The following YIPF2 variants were observed in gnomAD, a reference collection of about 807,000 sequenced individuals.
YIPF2 encodes the protein Yip1 domain family member 2, also known as protein YIPF2.
YIPF2 carries 30 observed loss-of-function variants against 38.8 expected under a neutral mutation model. That is an observed-to-expected ratio of 0.77 (90% CI 0.58 to 1.05). The LOEUF (loss-of-function observed/expected upper bound fraction) is 1.05. Ranked by LOEUF, YIPF2 falls within the 50% of genes least tolerant of loss-of-function variation. The pLI is 0.00. For synonymous variants in YIPF2, 194 were observed against 183.8 expected, an observed-to-expected ratio of 1.06 and a Z score of -0.45; for missense variants, 401 against 409.7, an observed-to-expected ratio of 0.98 and a Z score of 0.18.
chr19:10,923,015 T>G lies in YIPF2; in HGVS notation c.*179A>C. The G allele has an allele frequency of 9.5e-6, 3 of 316,106 alleles. No homozygotes were observed. Among genetic ancestry groups the G allele is most frequent in the East Asian group, 7.8e-5 (1 of 12,790 alleles). 19.6% of individuals were successfully genotyped at this position (316,106 alleles called of 1,614,324 possible). A position where few individuals can be genotyped will look rare whatever the true frequency, so the allele number is the denominator to read the frequency against. ...CTGCTCGGCTGCCCCTCGCCCGCCT[T>G]TATATAAATTCTCTGAATCACCTTT... On this transcript the variant is annotated 3_prime_UTR_variant, in exon 10 of 10. Coordinates refer to ENST00000586748, the MANE Select transcript of YIPF2 (RefSeq NM_001321439.2).
intron 7 of YIPF2, 32 bp from the exon 8 acceptor site, chr19:10,923,709 C>T (rs2074309923): frequency 6.3e-7 from 1 of 1,585,096 alleles, no homozygotes. Context: ...GTGACCATGC[C>T]AGTCCCCCCA....
rs755962908 is a variant in YIPF2, at chr19:10,923,662, G to A, written c.667C>T (p.Pro223Ser). The change falls in exon 8 of 10, where the codon CCT becomes TCT. Residue 223 changes from proline (P) to serine (S), a missense_variant. By Grantham distance (74) the Pro-to-Ser change is moderately conservative (BLOSUM62 -1). Transcript: ENST00000586748. ...AAGAGCCACTGCAGCCAAGGCACAG[G>A]GATGAGCCACAGGACCTGGGAGCAA... ...FIPMVVLWLI[P>S]VPWLQWLFGA... The A allele has an allele frequency of 3.7e-6, 6 of 1,609,806 alleles. No homozygotes were observed. Among genetic ancestry groups the A allele is most frequent in the Non-Finnish European group, 5.1e-6 (6 of 1,177,220 alleles).
chr19:10,926,554 G>C (rs1387372768), intron 4 of YIPF2, among the ~76,000 whole-genome samples: 1 of 151,588 alleles, frequency 6.6e-6, no homozygotes, highest in African/African-American at 2.4e-5. Context: ...TTTTGAGACA[G>C]AGTCTCACTC....
chr19:10,928,530 A>G lies in YIPF2; in HGVS notation c.-50T>C, dbSNP rs2083462610. 8.0e-7 allele frequency: 1 copy of G among 1,257,402 alleles called. No individual in the cohort carries two copies. The highest frequency in any genetic ancestry group is 1.0e-6 in the Non-Finnish European group (1 of 971,922). The allele number at this position is 1,257,402 out of a possible 1,614,324, so 77.9% of individuals were successfully genotyped here. On this transcript the variant is annotated 5_prime_UTR_variant, in exon 1 of 10. Transcript: ENST00000586748. ...CCCTACCTGGCGACCAACTGCACCC[A>G]CGGAGGCTTGAACTCGTCGTCCCGT...
chr19:10,926,228 C>G (rs1334574175), intron 4 of YIPF2, among the ~76,000 whole-genome samples: 1 of 135,512 alleles, frequency 7.4e-6, no homozygotes. Context: ...TTTTTTCCCT[C>G]TTTTTTTTTT....
At chr19:10,925,563 G>C (rs1475683200) in intron 5 of YIPF2, 123 bp downstream of exon 5, 3 of 1,169,114 alleles carry the variant, frequency 2.6e-6, no homozygotes, top group East Asian at 5.2e-5. Flanking sequence ...CTGTCTCCCT[G>C]AACAGCAGGT....
intron 5 of YIPF2, 81 bp downstream of exon 5, chr19:10,925,605 G>T (rs1450441674): frequency 1.3e-6 from 2 of 1,517,608 alleles, no homozygotes; most frequent in African/African-American, 1.4e-5. Context: ...TGATTTGTCC[G>T]CAGCTATACA....
In YIPF2 at chr19:10,924,116, C is replaced by T. The variant is rs750758306; in HGVS notation, c.444G>A (p.Arg148=). ...TGNLTLVLAQ[R]RDPSIHYSPQ... is the part of the protein sequence containing the mutation. The stretch of plus-strand genomic sequence containing the variant: ...GGCTGTAGTGGATGGAGGGGTCCCT[C>T]CTCTGGGCCAGCACCAGCGTCAGGT... Residue 148 remains arginine (R), a synonymous_variant, in exon 6 of 10, where the codon AGG becomes AGA. Transcript: ENST00000586748. The T allele has an allele frequency of 6.2e-7, 1 of 1,613,656 alleles. No individual in the cohort carries two copies.
At chr19:10,927,233 T>A (rs757369009) in intron 4 of YIPF2, among the ~76,000 whole-genome samples, 9 of 152,130 alleles carry the variant, frequency 5.9e-5, no homozygotes, top group Non-Finnish European at 1.2e-4. Context: ...GGTCTTGAAC[T>A]CCTCAGGTTA....
rs779606360 is a variant in YIPF2, at chr19:10,923,932, C to A, written c.552G>T (p.Leu184=). The A allele has an allele frequency of 1.2e-6, 2 of 1,613,356 alleles. No individual in the cohort carries two copies. The highest frequency in any genetic ancestry group is 1.7e-6 in the Non-Finnish European group (2 of 1,179,754). Residue 184 remains leucine (L), a synonymous_variant, in exon 7 of 10, where the codon CTG becomes CTT. Coordinates refer to ENST00000586748, the MANE Select transcript of YIPF2 (RefSeq NM_001321439.2). The part of the protein sequence containing the change: ...WLVPLALWGF[L]RWRKGVQERM... ...GCTCCTGGACACCCTTGCGCCACCG[C>A]AGGAAGCCCCACAGGGCCAGGGGCA...
rs946739865 is a variant in YIPF2 at position 10,926,841 on chromosome 19, T to C, written c.279+789A>G. Reference sequence around the variant, plus strand: ...GCACTTGGCTAATTTTTCTATTTTATTTTATTTTTTATTTAATTTTATTTT... The same window carrying C: ...GCACTTGGCTAATTTTTCTATTTTACTTTATTTTTTATTTAATTTTATTTT... On this transcript the variant is annotated intron_variant, in intron 4 of 9. Transcript: ENST00000586748. Among the ~76,000 whole-genome samples, 9 of 151,642 alleles carry C rather than the reference T, an allele frequency of 5.9e-5. 1 individual carries two copies. The highest frequency in any genetic ancestry group is 5.3e-4 in the Admixed American group (8 of 15,192).
intron 5 of YIPF2, 59 bp from the exon 6 acceptor site, chr19:10,924,251 T>A (rs1173262106): frequency 1.3e-6 from 2 of 1,494,782 alleles, no homozygotes; most frequent in Non-Finnish European, 1.8e-6. Flanking sequence ...CAAGCAGACA[T>A]GTATCCTGAC....
At chr19:10,923,802 C>T (rs749219890) in intron 7 of YIPF2, 31 bp downstream of exon 7, 72 of 1,604,074 alleles carry the variant, frequency 4.5e-5, no homozygotes, top group Non-Finnish European at 6.0e-5. Context: ...CCCACACAGC[C>T]ACCACCCACT....
chr19:10,924,580 G>A (rs140126930), intron 5 of YIPF2, among the ~76,000 whole-genome samples: 64 of 152,188 alleles, frequency 4.2e-4, no homozygotes, highest in African/African-American at 1.4e-3. Flanking sequence ...AGAGCCCAGG[G>A]CTCTGCCCTG....
rs1334805075 is a variant in YIPF2 at position 10,923,959 on chromosome 19, CA to C, written c.524del (p.Leu175ArgfsTer176). 2 of 1,613,478 alleles carry C rather than the reference CA, an allele frequency of 1.2e-6. No homozygotes were observed. Among genetic ancestry groups the C allele is most frequent in the Non-Finnish European group, 1.7e-6 (2 of 1,179,814 alleles). ...GGAAGCCCCACAGGGCCAGGGGCAC[CA>C]GCCACGCATAGCAGTAGATGCTGAT... ...AGISIYCYAW[L>X]VPLALWGFLR... On this transcript the variant is annotated frameshift_variant, in exon 7 of 10. Coordinates refer to ENST00000586748, the MANE Select transcript of YIPF2 (RefSeq NM_001321439.2). LOFTEE classifies it high-confidence loss of function.
rs895756352 is a variant in YIPF2 at position 10,923,132 on chromosome 19, G to C, written c.*62C>G. Reference sequence around the variant, plus strand: ...TCAAAGGAGCCTTCAGTCATCGTCTGGGGGGCAGGACAGGCAGAGGGGTTG... The same window carrying C: ...TCAAAGGAGCCTTCAGTCATCGTCTCGGGGGCAGGACAGGCAGAGGGGTTG... On this transcript the variant is annotated 3_prime_UTR_variant, in exon 10 of 10. Transcript: ENST00000586748. 3 of 634,854 alleles carry C rather than the reference G, an allele frequency of 4.7e-6. No individual in the cohort carries two copies. Among genetic ancestry groups the C allele is most frequent in the East Asian group, 3.0e-5 (1 of 32,804 alleles). The allele number at this position is 634,854 out of a possible 1,614,324, so 39.3% of individuals were successfully genotyped here.
In YIPF2 at chr19:10,924,207, C is replaced by T. The variant is rs2145266396; in HGVS notation, c.368-15G>A. ...CCAGAAGGGGCCTGGGGGTAGGGGG[C>T]ACAGTCAGGGTCCCGGGCCCTGCAC... On this transcript the variant is annotated splice_polypyrimidine_tract_variant and intron_variant, in intron 5 of 9. Coordinates refer to ENST00000586748, the MANE Select transcript of YIPF2 (RefSeq NM_001321439.2). 1 of 1,605,304 alleles carries T rather than the reference C, an allele frequency of 6.2e-7. No individual in the cohort carries two copies. Among genetic ancestry groups the T allele is most frequent in the Non-Finnish European group, 8.5e-7 (1 of 1,177,502 alleles).
At chr19:10,924,225 C>A (rs1292812893) in intron 5 of YIPF2, 33 bp from the exon 6 acceptor site, 1 of 1,576,042 alleles carries the variant, frequency 6.3e-7, no homozygotes. Flanking sequence ...GGGTCCCGGG[C>A]CCTGCACTCC....
chr19:10,925,537 G>T, intron 5 of YIPF2, 149 bp downstream of exon 5: 2 of 932,670 alleles, frequency 2.1e-6, no homozygotes, highest in Non-Finnish European at 3.2e-6. Flanking sequence ...GCCACCCTCT[G>T]CAGTCCTTCA....
Sources: gnomAD v4.1 joint callset for allele counts (sites outside exome capture counted in the v4.1 genomes callset) on GRCh38, gnomAD v4.1.1 for gene constraint, MANE v1.5 for transcripts, NCBI Gene and HGNC (gene_info 2026-07-23, HGNC 2026-07-21) for gene names.